Variants in CACNA1E observed in about 807,000 individuals in gnomAD.
CACNA1E encodes calcium voltage-gated channel subunit alpha1 E, also known as voltage-dependent R-type calcium channel subunit alpha-1E.
CACNA1E carries 40 observed loss-of-function variants against 259.2 expected under a neutral mutation model. That is an observed-to-expected ratio of 0.15 (90% confidence interval 0.12 to 0.20). The LOEUF is 0.20. CACNA1E is among the 10% of genes least tolerant of loss of function. The pLI is 1.00. For synonymous variants in CACNA1E, 1,104 were observed against 1,138.5 expected, an observed-to-expected ratio of 0.97 and a Z score of 0.61; for missense variants, 1,874 against 3,040.1, an observed-to-expected ratio of 0.62 and a Z score of 9.02.
chr1:181,410,533 C>T (rs913292272), intron 1 of CACNA1E, among the ~76,000 whole-genome samples: 3 of 152,190 alleles, frequency 2.0e-5, no homozygotes, highest in Non-Finnish European at 4.4e-5. Context: ...TCCGAGTCTA[C>T]TGAATGCTCC....
chr1:181,674,987 G>T (rs1375855613), intron 7 of CACNA1E, among the ~76,000 whole-genome samples: 1 of 151,910 alleles, frequency 6.6e-6, no homozygotes, highest in Non-Finnish European at 1.5e-5. Flanking sequence ...TGATAGCAAA[G>T]GTTAGTGTTA....
chr1:181,319,676 G>A (rs1332586861), intron 1 of CACNA1E, among the ~76,000 whole-genome samples: 2 of 152,200 alleles, frequency 1.3e-5, no homozygotes, highest in Admixed American at 6.5e-5. Flanking sequence ...AGTGGACAGA[G>A]ATGTTGGTAA....
At chr1:181,762,795 C>T (rs1658700152) in intron 33 of CACNA1E, 138 bp downstream of exon 33, 3 of 635,564 alleles carry the variant, frequency 4.7e-6, no homozygotes, top group Non-Finnish European at 8.3e-6. Context: ...TACTCCCTTG[C>T]TGCTTGGCAT....
At chr1:181,341,539 C>T (rs1652153650) in intron 1 of CACNA1E, among the ~76,000 whole-genome samples, 1 of 152,192 alleles carries the variant, frequency 6.6e-6, no homozygotes, top group Admixed American at 6.5e-5. Flanking sequence ...TGTTCTCTGC[C>T]TCCCAGGGAA....
intron 1 of CACNA1E, among the ~76,000 whole-genome samples, chr1:181,375,066 C>A (rs1654999312): frequency 6.6e-6 from 1 of 152,126 alleles, no homozygotes; most frequent in African/African-American, 2.4e-5. Context: ...AATGTCTTCT[C>A]AGTTATGAAG....
At chr1:181,388,862 G>C (rs112025685) in intron 1 of CACNA1E, among the ~76,000 whole-genome samples, 5,002 of 151,612 alleles carry the variant, frequency 0.033, 90 homozygotes, top group Middle Eastern at 0.055. Flanking sequence ...TTGCACTCCA[G>C]CCTGGGCAAC....
At position 181,764,946 on chromosome 1, in the gene CACNA1E, T is replaced by C. The variant is rs933405569; in HGVS notation, c.4815+1415T>C. ...AATTGATGGCCAAATGGTTGGCTTA[T>C]TCCAGCAAATACTACAGAGAACAGG... is the stretch of plus-strand genomic sequence containing the variant. On this transcript the variant is annotated intron_variant, in intron 34 of 47. Coordinates refer to ENST00000367573, the MANE Select transcript of CACNA1E (RefSeq NM_001205293.3). 1.2e-4 allele frequency among the ~76,000 whole-genome samples: 19 copies of C among 152,200 alleles called. 1 individual carries two copies. Among genetic ancestry groups the C allele is most frequent in the Admixed American group, 1.2e-3 (19 of 15,274 alleles).
chr1:181,568,781 G>T (rs1178745260), intron 3 of CACNA1E, among the ~76,000 whole-genome samples: 1 of 152,080 alleles, frequency 6.6e-6, no homozygotes, highest in Non-Finnish European at 1.5e-5. Context: ...TTTTCATAGA[G>T]ATTCGTAGAG....
chr1:181,567,079 C>G (rs990946338), intron 3 of CACNA1E, among the ~76,000 whole-genome samples: 1 of 152,114 alleles, frequency 6.6e-6, no homozygotes, highest in Non-Finnish European at 1.5e-5. Context: ...GATTGTTGAG[C>G]TTTCTTTTGG....
At chr1:181,417,048 C>T (rs190375244) in intron 2 of CACNA1E, among the ~76,000 whole-genome samples, 13 of 152,072 alleles carry the variant, frequency 8.5e-5, no homozygotes, top group Admixed American at 6.5e-4. Context: ...TGGACATTGT[C>T]GTAACTGCAT....
At chr1:181,714,038 C>A (rs551846986) in intron 8 of CACNA1E, among the ~76,000 whole-genome samples, 1 of 152,284 alleles carries the variant, frequency 6.6e-6, no homozygotes, top group South Asian at 2.1e-4. Flanking sequence ...AGGTGTTCAA[C>A]AATCAGTTAA....
chr1:181,482,129 T>G, upstream of CACNA1E, among the ~76,000 whole-genome samples: 1 of 152,052 alleles, frequency 6.6e-6, no homozygotes, highest in East Asian at 1.9e-4. Flanking sequence ...AGGTGCTAAG[T>G]GGGGAGATGG....
In CACNA1E at chr1:181,674,712, A is replaced by G. The variant is rs1013340196; in HGVS notation, c.1055+23271A>G. ...CTCAGGGGGACAGAGGGACTCTGCC[A>G]CAGGCTTGACCTGACCATCTCTCTC... On this transcript the variant is annotated intron_variant, in intron 7 of 47. Coordinates refer to ENST00000367573, the MANE Select transcript of CACNA1E (RefSeq NM_001205293.3). Among the ~76,000 whole-genome samples, 16 of 152,274 alleles carry G rather than the reference A, an allele frequency of 1.1e-4. No individual in the cohort carries two copies. In the Middle Eastern group the frequency reaches 0.017, roughly 162 times the overall value.
At chr1:181,521,838 A>C (rs375931661) in intron 3 of CACNA1E, among the ~76,000 whole-genome samples, 3 of 152,074 alleles carry the variant, frequency 2.0e-5, no homozygotes, top group African/African-American at 7.2e-5. Flanking sequence ...TTCCAGGCAG[A>C]GGGTAGGACA....
intron 2 of CACNA1E, among the ~76,000 whole-genome samples, chr1:181,469,056 AT>A (rs999016983): frequency 2.4e-4 from 36 of 151,106 alleles, no homozygotes; most frequent in Middle Eastern, 3.4e-3. Flanking sequence ...ATTTATTAAA[AT>A]TTTTTTTTTA....
chr1:181,778,907 C>A (rs1046251788), intron 38 of CACNA1E, among the ~76,000 whole-genome samples: 5 of 152,242 alleles, frequency 3.3e-5, no homozygotes, highest in African/African-American at 1.2e-4. Context: ...CTCATGCCAA[C>A]TGTGCTCCTT....
At chr1:181,411,458 T>C (rs1053630026) in intron 1 of CACNA1E, among the ~76,000 whole-genome samples, 2 of 152,126 alleles carry the variant, frequency 1.3e-5, no homozygotes, top group African/African-American at 2.4e-5. Flanking sequence ...GAAGAATCCT[T>C]TGGTTTCCCT....
intron 3 of CACNA1E, among the ~76,000 whole-genome samples, chr1:181,561,112 A>G (rs975311906): frequency 1.3e-5 from 2 of 152,206 alleles, no homozygotes; most frequent in African/African-American, 4.8e-5. Context: ...TTAATGGTAC[A>G]GAGTTTCAGT....
intron 3 of CACNA1E, among the ~76,000 whole-genome samples, chr1:181,519,112 A>G (rs1666810142): frequency 6.6e-6 from 1 of 152,118 alleles, no homozygotes; most frequent in Non-Finnish European, 1.5e-5. Flanking sequence ...GTGTATGTGG[A>G]AGAGGGAGGT....
Sources: gnomAD v4.1 joint callset for allele counts (sites outside exome capture counted in the v4.1 genomes callset) on GRCh38, gnomAD v4.1.1 for gene constraint, MANE v1.5 for transcripts, NCBI Gene and HGNC (gene_info 2026-07-23, HGNC 2026-07-21) for gene names.